Variants in PHLPP2 observed in about 807,000 individuals in gnomAD.
PHLPP2 encodes PH domain leucine-rich repeat-containing protein phosphatase 2.
PHLPP2 carries 66 observed loss-of-function variants against 124.9 expected under a neutral mutation model. The observed-to-expected ratio is 0.53, with a 90% CI of 0.43 to 0.65. The LOEUF (loss-of-function observed/expected upper bound fraction) is 0.65. PHLPP2 is among the 30% of genes least tolerant of loss of function. The pLI, the probability that PHLPP2 is intolerant of heterozygous loss-of-function variation, is 0.00. For missense variants in PHLPP2, 1,685 were observed against 1,600.4 expected, an observed-to-expected ratio of 1.05 and a Z score of -0.90; for synonymous variants, 681 against 624.7, an observed-to-expected ratio of 1.09 and a Z score of -1.34.
In PHLPP2 at chr16:71,668,367, G is replaced by A. The variant is rs956206229; in HGVS notation, c.1628+908C>T. Among the ~76,000 whole-genome samples the A allele has an allele frequency of 2.4e-5, 3 of 127,076 alleles. No individual in the cohort carries two copies. The East Asian group carries it at 7.8e-4, about 33-fold the overall frequency. The allele number at this position is 127,076 out of a possible 152,430, so 83.4% of individuals were successfully genotyped here. A position where few individuals can be genotyped will look rare whatever the true frequency, so the allele number is the denominator to read the frequency against. ...GGAGGCAGAGCTTGCAGTGAGCCGAGATCGCGCCACTGCACTCCAGCCTGG... is the reference window on the plus strand; with the variant it reads ...GGAGGCAGAGCTTGCAGTGAGCCGAAATCGCGCCACTGCACTCCAGCCTGG... On this transcript the variant is annotated intron_variant, in intron 11 of 18. Transcript: ENST00000568954.
intron 5 of PHLPP2, among the ~76,000 whole-genome samples, chr16:71,683,519 G>A (rs1223090687): frequency 6.6e-6 from 1 of 152,160 alleles, no homozygotes; most frequent in Non-Finnish European, 1.5e-5. Context: ...ACGGTTGAGG[G>A]AAGGTCATTT....
chr16:71,687,891 T>C (rs2041282074), intron 4 of PHLPP2, among the ~76,000 whole-genome samples: 1 of 152,224 alleles, frequency 6.6e-6, no homozygotes, highest in South Asian at 2.1e-4. Context: ...AGGATTCTTT[T>C]ATAGTTTTTA....
At chr16:71,710,510 C>A (rs1291013445) in intron 2 of PHLPP2, among the ~76,000 whole-genome samples, 1 of 152,202 alleles carries the variant, frequency 6.6e-6, no homozygotes, top group Non-Finnish European at 1.5e-5. Context: ...ATGGTTTAGT[C>A]AATGCAACAC....
rs906169752 is a variant in PHLPP2, at chr16:71,647,012, G to A, written c.*1878C>T. ...CATAATTATTATGGACAGGTCATCT[G>A]ATTTTGACTATTGCTTTGAACAAAA... On this transcript the variant is annotated 3_prime_UTR_variant, in exon 19 of 19. Coordinates refer to ENST00000568954, the MANE Select transcript of PHLPP2 (RefSeq NM_015020.3). 6.6e-6 allele frequency: 1 copy of A among 152,500 alleles called. No individual in the cohort carries two copies. The highest frequency in any genetic ancestry group is 2.4e-5 in the African/African-American group (1 of 41,424). 9.4% of individuals were successfully genotyped at this position (152,500 alleles called of 1,614,324 possible).
At position 71,663,502 on chromosome 16, in the gene PHLPP2, G is replaced by GT. The variant is rs377170436; in HGVS notation, c.1985+396dup. Among the ~76,000 whole-genome samples, 662 of 152,314 alleles carry GT rather than the reference G, an allele frequency of 4.3e-3. 11 individuals carry two copies. Among genetic ancestry groups the GT allele is most frequent in the African/African-American group, 0.015 (642 of 41,556 alleles). ...TATACATTCCTAGAGGACAGAGACT[G>GT]TAACTGTTCACAATACTTGACATAT... On this transcript the variant is annotated intron_variant, in intron 13 of 18. Coordinates refer to ENST00000568954, the MANE Select transcript of PHLPP2 (RefSeq NM_015020.3).
At chr16:71,685,871 T>C (rs914589991) in intron 4 of PHLPP2, among the ~76,000 whole-genome samples, 5 of 152,370 alleles carry the variant, frequency 3.3e-5, no homozygotes, top group Admixed American at 2.6e-4. Flanking sequence ...TGAAATTATA[T>C]TGTTACATAT....
chr16:71,660,378 A>C (rs1346831531), intron 13 of PHLPP2, among the ~76,000 whole-genome samples: 1 of 146,792 alleles, frequency 6.8e-6, no homozygotes, highest in Non-Finnish European at 1.5e-5. Context: ...GTCTCAAAAA[A>C]AAAAAAAAAA....
At chr16:71,658,037 A>T (rs2145311504) in intron 15 of PHLPP2, among the ~76,000 whole-genome samples, 196 bp downstream of exon 15, 1 of 152,364 alleles carries the variant, frequency 6.6e-6, no homozygotes. Context: ...GCCATGGAGT[A>T]GTCCTAATAT....
At chr16:71,717,778 GAGTA>G in intron 1 of PHLPP2, among the ~76,000 whole-genome samples, 1 of 152,254 alleles carries the variant, frequency 6.6e-6, no homozygotes, top group East Asian at 1.9e-4. Context: ...GGAGAAAAAA[GAGTA>G]AGCAGACACT....
intron 3 of PHLPP2, among the ~76,000 whole-genome samples, chr16:71,692,467 G>GT (rs2045124713): frequency 6.6e-6 from 1 of 152,072 alleles, no homozygotes; most frequent in Admixed American, 6.6e-5. Flanking sequence ...TTAACCATGT[G>GT]TTTCCCATAT....
In PHLPP2 at chr16:71,674,767, T is replaced by G. The variant is rs113524997; in HGVS notation, c.1471+1680A>C. On this transcript the variant is annotated intron_variant, in intron 9 of 18. Coordinates refer to ENST00000568954, the MANE Select transcript of PHLPP2 (RefSeq NM_015020.3). Reference sequence around the variant, plus strand: ...ATCCCAACCCTTTGGGAGGCTGAGGTGGGCAGCTAACTAGAGGTTAGGAGT... The same window carrying G: ...ATCCCAACCCTTTGGGAGGCTGAGGGGGGCAGCTAACTAGAGGTTAGGAGT... Among the ~76,000 whole-genome samples the G allele has an allele frequency of 3.5e-3, 527 of 152,198 alleles. 7 individuals carry two copies. Among genetic ancestry groups the G allele is most frequent in the African/African-American group, 0.012 (503 of 41,552 alleles).
intron 3 of PHLPP2, among the ~76,000 whole-genome samples, chr16:71,698,364 A>G (rs4788830): frequency 0.9 from 136,285 of 152,220 alleles, 61,330 homozygotes; most frequent in East Asian, 0.99. Flanking sequence ...TCTTCTGGCA[A>G]CCAGGGAACT....
chr16:71,719,964 A>ATTTTTTGTTTTTTT (rs2045387611), intron 1 of PHLPP2, among the ~76,000 whole-genome samples: 1 of 53,246 alleles, frequency 1.9e-5, no homozygotes, highest in Non-Finnish European at 3.1e-5. Flanking sequence ...TGCCCAGCTA[A>ATTTTTTGTTTTTTT]TTTTTTTTTT....
chr16:71,669,452 C>T (rs1464146952), intron 10 of PHLPP2, 82 bp from the exon 11 acceptor site: 3 of 1,010,726 alleles, frequency 3.0e-6, no homozygotes, highest in Admixed American at 3.7e-5. Context: ...TATCCATTAA[C>T]CAGCCTGTGA....
At chr16:71,722,862 T>G (rs1485045875) in intron 1 of PHLPP2, among the ~76,000 whole-genome samples, 1 of 152,112 alleles carries the variant, frequency 6.6e-6, no homozygotes, top group Non-Finnish European at 1.5e-5. Context: ...CCAGTCAGCC[T>G]CCCACAACCC....
rs1567610071 is a variant in PHLPP2 at position 71,648,931 on chromosome 16, C to A, written c.3931G>T (p.Asp1311Tyr). 1.1e-5 allele frequency: 18 copies of A among 1,613,372 alleles called. No homozygotes were observed. The highest frequency in any genetic ancestry group is 1.5e-5 in the Non-Finnish European group (18 of 1,180,030). The change falls in exon 19 of 19, where the codon GAT (aspartate) becomes TAT (tyrosine). Residue 1311 changes from aspartate (D) to tyrosine (Y), a missense_variant. By Grantham distance (160) the Asp-to-Tyr change is radical. Transcript: ENST00000568954. ...AACTCCTCCGGGGGCTCGGTCCGAT[C>A]CTCTTCATGGGGCTCAGGCTCGAGC... The part of the protein sequence containing the change: ...SRLEPEPHEE[D>Y]RTEPPEEFDT...
At chr16:71,691,957 A>G (rs906759723) in intron 3 of PHLPP2, among the ~76,000 whole-genome samples, 4 of 152,214 alleles carry the variant, frequency 2.6e-5, no homozygotes. Context: ...CAAAACAACA[A>G]CAACAAAAAG....
chr16:71,662,232 C>T (rs2044798616), intron 13 of PHLPP2, among the ~76,000 whole-genome samples: 1 of 151,816 alleles, frequency 6.6e-6, no homozygotes, highest in Non-Finnish European at 1.5e-5. Flanking sequence ...GAGTTCGAGA[C>T]TAGTCTGGCC....
At chr16:71,665,557 C>A (rs982545157) in intron 12 of PHLPP2, among the ~76,000 whole-genome samples, 3 of 152,152 alleles carry the variant, frequency 2.0e-5, no homozygotes, top group African/African-American at 7.2e-5. Flanking sequence ...ATCCCTGATT[C>A]ACTTTTTATA....
Sources: allele counts gnomAD v4.1 joint callset (sites outside exome capture counted in the v4.1 genomes callset), GRCh38; gene constraint gnomAD v4.1.1; transcripts MANE v1.5; gene names NCBI Gene and HGNC (gene_info 2026-07-23, HGNC 2026-07-21).